Variants in AAK1 observed in about 807,000 individuals in gnomAD.
AAK1 encodes the protein AP2-associated protein kinase 1.
Under a neutral mutation model 116.0 loss-of-function variants are expected in AAK1, and 37 were observed. That is an observed-to-expected ratio of 0.32 (90% CI 0.25 to 0.42). The LOEUF (loss-of-function observed/expected upper bound fraction) is 0.42. AAK1 is among the 10% of genes least tolerant of loss of function. AAK1 has a pLI of 1.00. For missense variants in AAK1, 919 were observed against 1,170.6 expected (o/e 0.79, Z 3.14); for synonymous variants, 458 against 439.9 (o/e 1.04, Z -0.51).
rs182264018 is a variant in AAK1, at chr2:69,625,718, G to A, written c.163+17160C>T. Among the ~76,000 whole-genome samples, 282 of 152,244 alleles carry A rather than the reference G, an allele frequency of 1.9e-3. 1 individual carries two copies. Among genetic ancestry groups the A allele is most frequent in the African/African-American group, 6.5e-3 (270 of 41,538 alleles). ...AACATATTTCAAAACTGGAAGACAG[G>A]AAATATATGTATAAAATATTTCAAA... On this transcript the variant is annotated intron_variant, in intron 2 of 21. Coordinates refer to ENST00000409085, the MANE Select transcript of AAK1 (RefSeq NM_014911.5).
Position 69,542,522 on chromosome 2 carries a change from C to T in AAK1, c.534+1G>A. ...CCGTAATGAAAGAGTGTGGTCTGTA[C>T]CTTCAGGTCCCGGTGGATAATAGGA... On this transcript the variant is annotated splice_donor_variant, in intron 5 of 21. Coordinates refer to ENST00000409085, the MANE Select transcript of AAK1 (RefSeq NM_014911.5). LOFTEE classifies it high-confidence loss of function. The T allele has an allele frequency of 1.2e-6, 2 of 1,613,568 alleles. No homozygotes were observed. Among genetic ancestry groups the T allele is most frequent in the Non-Finnish European group, 1.7e-6 (2 of 1,179,728 alleles).
At chr2:69,549,942 T>C (rs1345998584) in intron 3 of AAK1, among the ~76,000 whole-genome samples, 1 of 152,258 alleles carries the variant, frequency 6.6e-6, no homozygotes, top group African/African-American at 2.4e-5. Flanking sequence ...TCAATGTATC[T>C]TCTATTTCTT....
rs1236610398 is a variant in AAK1 at position 69,475,861 on chromosome 2, G to A, written c.*8C>T. 1 of 1,609,816 alleles carries A rather than the reference G, an allele frequency of 6.2e-7. No individual in the cohort carries two copies. The highest frequency in any genetic ancestry group is 1.3e-5 in the African/African-American group (1 of 74,806). On this transcript the variant is annotated 3_prime_UTR_variant, in exon 22 of 22. Coordinates refer to ENST00000409085, the MANE Select transcript of AAK1 (RefSeq NM_014911.5). ...GGTTACAGAACTGCATCTGCTACTG[G>A]GTCACGGCTACAGGTCTATGAGCTG...
chr2:69,521,969 G>GA (rs1301225612), intron 10 of AAK1, among the ~76,000 whole-genome samples: 3 of 152,122 alleles, frequency 2.0e-5, no homozygotes, highest in Non-Finnish European at 4.4e-5. Flanking sequence ...TTACTTGAGA[G>GA]AAAAAAATAA....
At chr2:69,527,136 A>G (rs1447647129) in intron 9 of AAK1, 80 bp downstream of exon 9, 2 of 1,019,022 alleles carry the variant, frequency 2.0e-6, no homozygotes, top group Non-Finnish European at 3.0e-6. Context: ...AAATTCATTT[A>G]AACAGCTGAT....
chr2:69,607,733 T>C (rs1673872037), intron 2 of AAK1, among the ~76,000 whole-genome samples: 1 of 152,172 alleles, frequency 6.6e-6, no homozygotes, highest in Non-Finnish European at 1.5e-5. Flanking sequence ...CTCTCTCTTC[T>C]CCAACCCAAT....
intron 20 of AAK1, among the ~76,000 whole-genome samples, chr2:69,478,062 A>C (rs1674918041): frequency 6.6e-6 from 1 of 152,240 alleles, no homozygotes; most frequent in South Asian, 2.1e-4. Context: ...TGAAAAATGA[A>C]AATAGTAGAT....
intron 18 of AAK1, chr2:69,482,169 T>C (rs1675113842): frequency 6.1e-6 from 1 of 162,938 alleles, no homozygotes; most frequent in Non-Finnish European, 1.3e-5. Flanking sequence ...CTGACCAACA[T>C]GGAGAAACCC....
chr2:69,477,763 T>C (rs1371781294), intron 20 of AAK1, among the ~76,000 whole-genome samples: 1 of 152,264 alleles, frequency 6.6e-6, no homozygotes, highest in Non-Finnish European at 1.5e-5. Context: ...TTTAATGTCA[T>C]CACGGGTAAA....
chr2:69,468,699 G>T lies in AAK1; in HGVS notation c.*7170C>A. ...TTTGTGCACAGAGACTGGCAAAAAA[G>T]CAGCTATCTATTGAACCAGGGGCAC... On this transcript the variant is annotated 3_prime_UTR_variant, in exon 22 of 22. Coordinates refer to ENST00000409085, the MANE Select transcript of AAK1 (RefSeq NM_014911.5). The T allele has an allele frequency of 1.0e-6, 1 of 985,434 alleles. No homozygotes were observed. The highest frequency in any genetic ancestry group is 1.2e-6 in the Non-Finnish European group (1 of 829,936). The allele number at this position is 985,434 out of a possible 1,614,324, so 61.0% of individuals were successfully genotyped here.
At chr2:69,490,412 T>G (rs960137161) in intron 17 of AAK1, among the ~76,000 whole-genome samples, 1 of 152,274 alleles carries the variant, frequency 6.6e-6, no homozygotes, top group South Asian at 2.1e-4. Context: ...GCAACCCAAG[T>G]GTCCATTAAC....
At chr2:69,523,950 C>T (rs922686090) in intron 10 of AAK1, among the ~76,000 whole-genome samples, 26 of 152,242 alleles carry the variant, frequency 1.7e-4, no homozygotes, top group African/African-American at 4.3e-4. Flanking sequence ...CATTGCCTTC[C>T]GATGGCACTC....
At chr2:69,621,856 C>G (rs189649910) in intron 2 of AAK1, among the ~76,000 whole-genome samples, 2 of 152,346 alleles carry the variant, frequency 1.3e-5, no homozygotes, top group Admixed American at 1.3e-4. Flanking sequence ...TTCCACACCT[C>G]CCCTCCAACT....
At chr2:69,608,210 C>T (rs1010519443) in intron 2 of AAK1, among the ~76,000 whole-genome samples, 2 of 152,236 alleles carry the variant, frequency 1.3e-5, no homozygotes, top group Non-Finnish European at 2.9e-5. Context: ...AGAACTCCTA[C>T]AACACAAGCC....
Position 69,470,535 on chromosome 2 carries a change from G to T in AAK1, c.*5334C>A. The T allele has an allele frequency of 1.0e-6, 1 of 985,436 alleles. No homozygotes were observed. The highest frequency in any genetic ancestry group is 5.2e-4 in the Middle Eastern group (1 of 1,914). The allele number at this position is 985,436 out of a possible 1,614,324, so 61.0% of individuals were successfully genotyped here. A position where few individuals can be genotyped will look rare whatever the true frequency, so the allele number is the denominator to read the frequency against. On this transcript the variant is annotated 3_prime_UTR_variant, in exon 22 of 22. Coordinates refer to ENST00000409085, the MANE Select transcript of AAK1 (RefSeq NM_014911.5). The stretch of plus-strand genomic sequence containing the variant: ...CAGCTGTGCCTCTCAGGCCAATGAG[G>T]CAATTAAATGAGTGAGTTTTCTCAC...
Position 69,479,005 on chromosome 2 carries a change from T to C in AAK1, c.2626A>G (p.Thr876Ala), listed in dbSNP as rs1357542431. ...GGGGCAAACTCTTCCAGAAGGTCAG[T>C]AGTAGGGTTAGAGAGCAGAGAGCAA... Reference protein sequence around the residue: ...LDCSLLSNPTTDLLEEFAPTA... With the variant: ...LDCSLLSNPTADLLEEFAPTA... Residue 876 changes from threonine to alanine, a missense_variant, in exon 20 of 22, where the codon ACT becomes GCT. Transcript: ENST00000409085. 16 of 1,613,594 alleles carry C rather than the reference T, an allele frequency of 9.9e-6. No homozygotes were observed. Among genetic ancestry groups the C allele is most frequent in the South Asian group, 6.6e-5 (6 of 91,068 alleles).
At chr2:69,544,222 C>T in intron 4 of AAK1, 2 of 495,858 alleles carry the variant, frequency 4.0e-6, no homozygotes, top group Non-Finnish European at 7.2e-6. Flanking sequence ...CAAACCTTCC[C>T]AAACCTAACA....
chr2:69,625,393 G>A (rs187606333), intron 2 of AAK1, among the ~76,000 whole-genome samples: 8 of 152,344 alleles, frequency 5.3e-5, no homozygotes, highest in Admixed American at 2.0e-4. Context: ...TCATTGAAGA[G>A]CAAGCTGTCT....
chr2:69,574,710 C>T (rs576436932), intron 2 of AAK1, among the ~76,000 whole-genome samples: 1 of 152,228 alleles, frequency 6.6e-6, no homozygotes, highest in South Asian at 2.1e-4. Context: ...GTGGCTCATG[C>T]CCATAATCCC....
Sources: allele counts gnomAD v4.1 joint callset (sites outside exome capture counted in the v4.1 genomes callset), GRCh38; gene constraint gnomAD v4.1.1; transcripts MANE v1.5; gene names NCBI Gene and HGNC (gene_info 2026-07-23, HGNC 2026-07-21).